The following KDM1A variants were observed in gnomAD, a reference collection of about 807,000 sequenced individuals.
KDM1A encodes lysine demethylase 1A.
Under a neutral mutation model 109.4 loss-of-function variants are expected in KDM1A, and 49 were observed. That is an observed-to-expected ratio of 0.45 (90% CI 0.36 to 0.57). The LOEUF (loss-of-function observed/expected upper bound fraction) is 0.57. KDM1A is among the 20% of genes least tolerant of loss of function. KDM1A has a pLI of 0.00. For synonymous variants in KDM1A, 380 were observed against 415.4 expected (o/e 0.91, Z 1.04); for missense variants, 668 against 1,116.6 (o/e 0.60, Z 5.73).
intron 9 of KDM1A, among the ~76,000 whole-genome samples, chr1:23,061,073 A>G (rs1413518925): frequency 6.6e-6 from 1 of 152,174 alleles, no homozygotes; most frequent in Non-Finnish European, 1.5e-5. Flanking sequence ...ATATCCAGAG[A>G]AATGGACTGC....
chr1:23,022,910 C>T (rs932570208), intron 1 of KDM1A, among the ~76,000 whole-genome samples: 2 of 152,048 alleles, frequency 1.3e-5, no homozygotes, highest in African/African-American at 4.8e-5. Context: ...CCACCCACAT[C>T]GGCCTCCCAA....
chr1:23,034,897 AGT>A (rs1642097459), intron 2 of KDM1A, among the ~76,000 whole-genome samples: 1 of 152,112 alleles, frequency 6.6e-6, no homozygotes, highest in South Asian at 2.1e-4. Context: ...AGACATCAGA[AGT>A]GTGTGTGTAT....
At chr1:23,030,910 T>C (rs1641962857) in intron 2 of KDM1A, among the ~76,000 whole-genome samples, 1 of 152,074 alleles carries the variant, frequency 6.6e-6, no homozygotes, top group African/African-American at 2.4e-5. Flanking sequence ...GGAAGGACAG[T>C]GGCAATATAA....
At chr1:23,060,700 T>C (rs1472541952) in intron 9 of KDM1A, among the ~76,000 whole-genome samples, 3 of 151,670 alleles carry the variant, frequency 2.0e-5, no homozygotes, top group Non-Finnish European at 4.4e-5. Flanking sequence ...TAAAGGAGGG[T>C]AGGATTATAC....
At chr1:23,072,092 A>G (rs1328752829) in intron 13 of KDM1A, 32 bp from the exon 14 acceptor site, 2 of 1,385,936 alleles carry the variant, frequency 1.4e-6, no homozygotes, top group Admixed American at 1.8e-5. Context: ...CTGACCCTTC[A>G]GGGTAACTCA....
At chr1:23,066,108 C>T (rs1191076074) in intron 10 of KDM1A, 37 bp downstream of exon 10, 3 of 1,389,780 alleles carry the variant, frequency 2.2e-6, no homozygotes, top group Non-Finnish European at 3.1e-6. Flanking sequence ...ATTTTCCTCA[C>T]TGTTTACAAT....
chr1:23,046,328 T>C (rs568861825), intron 3 of KDM1A, among the ~76,000 whole-genome samples: 5 of 152,318 alleles, frequency 3.3e-5, no homozygotes, highest in Non-Finnish European at 7.4e-5. Context: ...CCCCTATTCC[T>C]TATTCCTTTT....
intron 1 of KDM1A, among the ~76,000 whole-genome samples, chr1:23,020,831 ACATT>A (rs1391507045): frequency 6.6e-6 from 1 of 152,174 alleles, no homozygotes; most frequent in Non-Finnish European, 1.5e-5. Context: ...TGTAATTCCC[ACATT>A]CATGTTGTTA....
intron 4 of KDM1A, among the ~76,000 whole-genome samples, chr1:23,050,923 A>G (rs1301749333): frequency 2.6e-5 from 4 of 152,096 alleles, no homozygotes; most frequent in Non-Finnish European, 4.4e-5. Flanking sequence ...TTTCTCTACT[A>G]AAAATACAAA....
chr1:23,070,056 G>A (rs1569791913), intron 12 of KDM1A, among the ~76,000 whole-genome samples: 2 of 152,260 alleles, frequency 1.3e-5, no homozygotes, highest in South Asian at 4.1e-4. Context: ...AATGAGAAGA[G>A]TGATTTAAGA....
At chr1:23,032,823 A>G (rs1272699899) in intron 2 of KDM1A, among the ~76,000 whole-genome samples, 1 of 152,204 alleles carries the variant, frequency 6.6e-6, no homozygotes, top group African/African-American at 2.4e-5. Flanking sequence ...GTCTTTCACA[A>G]GAGTTTTTAG....
At chr1:23,036,528 A>ACCTT (rs1251711418) in intron 2 of KDM1A, among the ~76,000 whole-genome samples, 1 of 145,698 alleles carries the variant, frequency 6.9e-6, no homozygotes, top group Admixed American at 7.3e-5. Context: ...GCTCCAAAAT[A>ACCTT]CCTTACTGGA....
chr1:23,081,171 A>C, intron 18 of KDM1A: 1 of 332,160 alleles, frequency 3.0e-6, no homozygotes, highest in Non-Finnish European at 5.5e-6. Flanking sequence ...CTGAAATTAT[A>C]TCTTCAGAAC....
chr1:23,050,180 G>A lies in KDM1A; in HGVS notation c.578-207G>A, dbSNP rs12078443. Among the ~76,000 whole-genome samples, 9,956 of 152,168 alleles carry A rather than the reference G, an allele frequency of 0.065. 1,040 individuals carry two copies. The highest frequency in any genetic ancestry group is 0.23 in the African/African-American group (9,329 of 41,462). On this transcript the variant is annotated intron_variant, in intron 3 of 20. Transcript: ENST00000400181. Reference sequence around the variant, plus strand: ...CTATTTTAAATGCTTTGTCTTATAAGGTAGTTGTTTCACTCAGTAAAGTAT... The same window carrying A: ...CTATTTTAAATGCTTTGTCTTATAAAGTAGTTGTTTCACTCAGTAAAGTAT...
intron 11 of KDM1A, 135 bp from the exon 12 acceptor site, chr1:23,068,926 C>A: frequency 1.5e-6 from 1 of 646,322 alleles, no homozygotes; most frequent in Non-Finnish European, 2.6e-6. Context: ...AAATAATTTC[C>A]AACTAGCCAA....
intron 1 of KDM1A, among the ~76,000 whole-genome samples, chr1:23,020,743 T>G (rs530442614): frequency 6.6e-6 from 1 of 152,300 alleles, no homozygotes; most frequent in African/African-American, 2.4e-5. Context: ...AGCCCTATTT[T>G]AGGAATGAGT....
chr1:23,067,449 CTG>C (rs1027533414), intron 10 of KDM1A, among the ~76,000 whole-genome samples: 17 of 152,178 alleles, frequency 1.1e-4, no homozygotes, highest in South Asian at 4.1e-4. Context: ...AGTGGAAAAA[CTG>C]TGGAGTTTCA....
At chr1:23,032,261 A>G (rs1282014400) in intron 2 of KDM1A, among the ~76,000 whole-genome samples, 1 of 152,026 alleles carries the variant, frequency 6.6e-6, no homozygotes, top group Non-Finnish European at 1.5e-5. Flanking sequence ...TTGTGTCTCC[A>G]GTAAATAATT....
intron 2 of KDM1A, among the ~76,000 whole-genome samples, chr1:23,037,114 T>TA (rs1354701312): frequency 7.9e-4 from 108 of 137,206 alleles, no homozygotes; most frequent in African/African-American, 2.6e-3. Context: ...CCATCTCCAC[T>TA]AAAAAAAATA....
Sources: gnomAD v4.1 joint callset for allele counts (sites outside exome capture counted in the v4.1 genomes callset) on GRCh38, gnomAD v4.1.1 for gene constraint, MANE v1.5 for transcripts, NCBI Gene and HGNC (gene_info 2026-07-23, HGNC 2026-07-21) for gene names.